Variants in C3orf33 observed in about 807,000 individuals in gnomAD.
C3orf33 encodes the protein mitochondrial inner membrane subdomain organizer 1, also known as AP-1 activity suppressor.
C3orf33 carries 23 observed loss-of-function variants against 28.7 expected under a neutral mutation model. That is an observed-to-expected ratio of 0.80 (90% CI 0.58 to 1.13). The LOEUF (loss-of-function observed/expected upper bound fraction) is 1.13. C3orf33 is among the 50% of genes most tolerant of loss of function. The pLI is 0.00. For missense variants in C3orf33, 327 were observed against 353.4 expected, an observed-to-expected ratio of 0.93 and a Z score of 0.60; for synonymous variants, 119 against 120.5, an observed-to-expected ratio of 0.99 and a Z score of 0.08.
intron 2 of C3orf33, among the ~76,000 whole-genome samples, chr3:155,796,357 G>T (rs1366436598): frequency 6.6e-6 from 1 of 152,038 alleles, no homozygotes; most frequent in Non-Finnish European, 1.5e-5. Context: ...ATTATTAGAG[G>T]CTACTATGAA....
At chr3:155,793,471 A>G (rs1751376828) in intron 2 of C3orf33, among the ~76,000 whole-genome samples, 1 of 152,002 alleles carries the variant, frequency 6.6e-6, no homozygotes, top group Non-Finnish European at 1.5e-5. Context: ...AAAGAAAAAC[A>G]TGGGATATTA....
At chr3:155,772,908 G>A (rs1577415272) in intron 3 of C3orf33, among the ~76,000 whole-genome samples, 1 of 151,676 alleles carries the variant, frequency 6.6e-6, no homozygotes, top group Non-Finnish European at 1.5e-5. Flanking sequence ...TAACTTTCTT[G>A]TTTGATGGTG....
intron 1 of C3orf33, chr3:155,804,018 A>T (rs1751741938): frequency 4.2e-6 from 1 of 237,592 alleles, no homozygotes; most frequent in African/African-American, 2.4e-5. Context: ...TCTACTAAAA[A>T]TACAAAAATT....
chr3:155,802,750 T>C (rs1016611000), intron 1 of C3orf33, among the ~76,000 whole-genome samples, 159 bp from the exon 2 acceptor site: 1 of 152,172 alleles, frequency 6.6e-6, no homozygotes, highest in Admixed American at 6.5e-5. Flanking sequence ...TCAAAAACTG[T>C]CCACTCGTTC....
intron 2 of C3orf33, among the ~76,000 whole-genome samples, chr3:155,784,447 T>G (rs962518582): frequency 6.6e-6 from 1 of 151,936 alleles, no homozygotes; most frequent in African/African-American, 2.4e-5. Context: ...AATATAAAAT[T>G]AAAACACTTC....
intron 2 of C3orf33, among the ~76,000 whole-genome samples, chr3:155,781,156 C>T (rs1049853588): frequency 1.1e-4 from 16 of 151,316 alleles, no homozygotes; most frequent in Admixed American, 9.8e-4. Flanking sequence ...CGCCACCGCG[C>T]CCGGCTAATT....
At chr3:155,767,910 C>G (rs952714274) in intron 3 of C3orf33, among the ~76,000 whole-genome samples, 1 of 151,886 alleles carries the variant, frequency 6.6e-6, no homozygotes, top group Non-Finnish European at 1.5e-5. Flanking sequence ...AACAGGGTCT[C>G]ACTCTGTCAC....
At chr3:155,787,000 T>G (rs1167639776) in intron 2 of C3orf33, among the ~76,000 whole-genome samples, 1 of 152,150 alleles carries the variant, frequency 6.6e-6, no homozygotes, top group African/African-American at 2.4e-5. Context: ...ACCATGGATT[T>G]AAAAGGGGAC....
At chr3:155,801,542 A>T (rs1377731176) in intron 2 of C3orf33, among the ~76,000 whole-genome samples, 2 of 152,170 alleles carry the variant, frequency 1.3e-5, no homozygotes, top group African/African-American at 2.4e-5. Flanking sequence ...TGTCAGTCTT[A>T]AAAAGGACAA....
intron 2 of C3orf33, among the ~76,000 whole-genome samples, chr3:155,786,657 T>C (rs1360832720): frequency 1.3e-5 from 2 of 151,870 alleles, no homozygotes; most frequent in East Asian, 1.9e-4. Flanking sequence ...CGAAACCCCA[T>C]CTCTACTAAA....
rs752205296 is a variant in C3orf33, at chr3:155,775,784, C to T, written c.239G>A (p.Arg80His). ...VEFIRRNVKL[R>H]GRLRRITENG... ...CTCAGTTATTCGGCGTAATCGTCCA[C>T]GTAGTTTAACATTTCTTCTTATAAA... is the stretch of plus-strand genomic sequence containing the variant. Residue 80 changes from arginine to histidine, a missense_variant, in exon 3 of 5, where the codon CGT becomes CAT. Arg to His is a conservative substitution (Grantham distance 29). Coordinates refer to ENST00000340171, the MANE Select transcript of C3orf33 (RefSeq NM_001308229.2). 1.9e-5 allele frequency: 30 copies of T among 1,595,718 alleles called. No homozygotes were observed. The East Asian group carries it at 2.5e-4, about 13-fold the overall frequency.
intron 2 of C3orf33, among the ~76,000 whole-genome samples, chr3:155,793,829 T>TAAA (rs1751391618): frequency 0.011 from 927 of 84,446 alleles, 78 homozygotes; most frequent in African/African-American, 0.038. Flanking sequence ...AAAAAAAAAC[T>TAAA]AAAAAAACTA....
At chr3:155,803,619 G>A (rs6806394) in intron 1 of C3orf33, among the ~76,000 whole-genome samples, 4,080 of 145,030 alleles carry the variant, frequency 0.028, 196 homozygotes, top group African/African-American at 0.098. Flanking sequence ...GGTGCCTCAC[G>A]CCTGTAATCT....
intron 4 of C3orf33, among the ~76,000 whole-genome samples, chr3:155,764,120 GT>G (rs1474251517): frequency 4.6e-5 from 7 of 152,148 alleles, no homozygotes; most frequent in African/African-American, 1.7e-4. Context: ...CTCAAAATCA[GT>G]TGATTCTTTT....
At chr3:155,792,768 C>T (rs1751354151) in intron 2 of C3orf33, among the ~76,000 whole-genome samples, 1 of 151,732 alleles carries the variant, frequency 6.6e-6, no homozygotes, top group South Asian at 2.1e-4. Context: ...TGAGGACAGG[C>T]TATTTGAAAA....
chr3:155,791,935 T>C (rs1751328080), intron 2 of C3orf33, among the ~76,000 whole-genome samples: 2 of 151,644 alleles, frequency 1.3e-5, no homozygotes, highest in Non-Finnish European at 2.9e-5. Context: ...ACAAGCCTGG[T>C]TGGCTTCACC....
intron 2 of C3orf33, among the ~76,000 whole-genome samples, chr3:155,790,660 G>A (rs998465581): frequency 6.6e-6 from 1 of 152,190 alleles, no homozygotes; most frequent in Non-Finnish European, 1.5e-5. Flanking sequence ...GCACTTGGAT[G>A]GGGGAGAGTA....
intron 4 of C3orf33, among the ~76,000 whole-genome samples, chr3:155,764,599 T>G (rs1210603302): frequency 6.6e-6 from 1 of 151,528 alleles, no homozygotes; most frequent in Non-Finnish European, 1.5e-5. Context: ...ATGCCTGTAA[T>G]CCTAACACTT....
chr3:155,804,842 T>G, intron 1 of C3orf33, among the ~76,000 whole-genome samples: 1 of 152,184 alleles, frequency 6.6e-6, no homozygotes, highest in East Asian at 1.9e-4. Flanking sequence ...CTGATCTCCC[T>G]TCAACACCGG....
Sources: gnomAD v4.1 joint callset for allele counts (sites outside exome capture counted in the v4.1 genomes callset) on GRCh38, gnomAD v4.1.1 for gene constraint, MANE v1.5 for transcripts, NCBI Gene and HGNC (gene_info 2026-07-23, HGNC 2026-07-21) for gene names.